The following CCZ1B variants were observed in gnomAD, a reference collection of about 807,000 sequenced individuals.
CCZ1B encodes vacuolar fusion protein CCZ1 homolog B.
CCZ1B carries 25 observed loss-of-function variants against 58.8 expected under a neutral mutation model. The ratio of observed to expected loss-of-function variants is 0.43; its 90% CI spans 0.31 to 0.59. The LOEUF is 0.59. CCZ1B is among the 20% of genes least tolerant of loss of function. The pLI, the probability that CCZ1B is intolerant of heterozygous loss-of-function variation, is 0.12. For missense variants in CCZ1B, 180 were observed against 501.5 expected (o/e 0.36, Z 6.12); for synonymous variants, 66 against 173.2 (o/e 0.38, Z 4.86).
At chr7:6,820,083 T>C in intron 6 of CCZ1B, 142 bp from the exon 7 acceptor site, 1 of 1,225,174 alleles carries the variant, frequency 8.2e-7, no homozygotes, top group Non-Finnish European at 1.2e-6. Flanking sequence ...GAGGCCGTGG[T>C]GAAGACATGG....
intron 7 of CCZ1B, among the ~76,000 whole-genome samples, chr7:6,818,634 C>CAGAAAGAAAGACAGACAGAAAGA (rs1783051772): frequency 9.2e-6 from 1 of 109,120 alleles, no homozygotes; most frequent in Non-Finnish European, 1.9e-5. Flanking sequence ...GAAAGAAAGA[C>CAGAAAGAAAGACAGACAGAAAGA]AAGAAAGAAA....
intron 4 of CCZ1B, among the ~76,000 whole-genome samples, chr7:6,823,568 G>C (rs960926157): frequency 7.9e-5 from 11 of 139,576 alleles, no homozygotes; most frequent in Non-Finnish European, 1.5e-4. Context: ...GTCCAGGCTG[G>C]AGCGCAGTGG....
chr7:6,818,247 C>G (rs1387623415), intron 7 of CCZ1B, among the ~76,000 whole-genome samples: 1 of 149,776 alleles, frequency 6.7e-6, no homozygotes, highest in Non-Finnish European at 1.5e-5. Context: ...GGCCACACCC[C>G]TAATTAAGAA....
Position 6,803,760 on chromosome 7 carries a change from G to A in CCZ1B, c.1106+1178C>T, listed in dbSNP as rs978873995. The stretch of plus-strand genomic sequence containing the variant: ...GCGTGGATCACGAGGTCAGGAGTTC[G>A]AGACCAGTCTGACCAACATGGTAAA... On this transcript the variant is annotated intron_variant, in intron 12 of 14. Coordinates refer to ENST00000316731, the MANE Select transcript of CCZ1B (RefSeq NM_198097.5). Among the ~76,000 whole-genome samples, 15 of 150,558 alleles carry A rather than the reference G, an allele frequency of 1.0e-4. 1 individual carries two copies. Among genetic ancestry groups the A allele is most frequent in the Non-Finnish European group, 1.3e-4 (9 of 67,632 alleles).
chr7:6,821,084 C>CT (rs978268604), intron 6 of CCZ1B, among the ~76,000 whole-genome samples: 1 of 147,100 alleles, frequency 6.8e-6, no homozygotes, highest in Non-Finnish European at 1.5e-5. Flanking sequence ...TCTCGGCTCA[C>CT]TGCAACCTCT....
At chr7:6,810,014 T>C (rs1278994882) in intron 10 of CCZ1B, among the ~76,000 whole-genome samples, 1 of 150,618 alleles carries the variant, frequency 6.6e-6, no homozygotes, top group Non-Finnish European at 1.5e-5. Context: ...TTGAACGTGT[T>C]TTTTTTTTTC....
chr7:6,820,399 C>A lies in CCZ1B; in HGVS notation c.523-458G>T, dbSNP rs531035491. Among the ~76,000 whole-genome samples the A allele has an allele frequency of 2.5e-4, 38 of 149,220 alleles. 2 individuals are homozygous for A. The South Asian group carries it at 8.1e-3, about 32-fold the overall frequency. On this transcript the variant is annotated intron_variant, in intron 6 of 14. Coordinates refer to ENST00000316731, the MANE Select transcript of CCZ1B (RefSeq NM_198097.5). ...TTCACCATGTTAGCCAGGATGGTCT[C>A]AATCTCCTGACTCGTGATCTGCCTG...
rs764912922 is a variant in CCZ1B, at chr7:6,823,298, GA to G, written c.438+14del. 1 of 1,605,252 alleles carries G rather than the reference GA, an allele frequency of 6.2e-7. No homozygotes were observed. The highest frequency in any genetic ancestry group is 8.5e-7 in the Non-Finnish European group (1 of 1,176,296). On this transcript the variant is annotated intron_variant, in intron 5 of 14. Coordinates refer to ENST00000316731, the MANE Select transcript of CCZ1B (RefSeq NM_198097.5). Reference sequence around the variant, plus strand: ...AGTGGTTGGACTCTGAGTTGAGAAAGAACGCCACGCTTACCTTGTACATGCT... The same window carrying G: ...AGTGGTTGGACTCTGAGTTGAGAAAGACGCCACGCTTACCTTGTACATGCT...
At chr7:6,820,831 C>T (rs1187897867) in intron 6 of CCZ1B, among the ~76,000 whole-genome samples, 1 of 146,008 alleles carries the variant, frequency 6.8e-6, no homozygotes, top group Non-Finnish European at 1.5e-5. Context: ...AGGAGAATCA[C>T]TTGAACTTGG....
At chr7:6,811,086 G>T (rs1467581782) in intron 10 of CCZ1B, among the ~76,000 whole-genome samples, 2 of 151,496 alleles carry the variant, frequency 1.3e-5, no homozygotes, top group African/African-American at 2.4e-5. Context: ...CCGTGGGCCT[G>T]TCTGTGCAAG....
intron 5 of CCZ1B, 163 bp from the exon 6 acceptor site, chr7:6,822,527 A>G: frequency 7.8e-7 from 1 of 1,287,080 alleles, no homozygotes; most frequent in Non-Finnish European, 1.0e-6. Context: ...TTAAAAATGT[A>G]AGTTACAAAA....
chr7:6,803,720 T>C (rs1373003923), intron 12 of CCZ1B, among the ~76,000 whole-genome samples: 1 of 148,120 alleles, frequency 6.8e-6, no homozygotes, highest in Non-Finnish European at 1.5e-5. Flanking sequence ...TCCCAGCACT[T>C]TGGGAGGCCG....
rs1345027270 is a variant in CCZ1B at position 6,824,481 on chromosome 7, G to C, written c.286C>G (p.Pro96Ala). The C allele has an allele frequency of 1.2e-6, 2 of 1,606,660 alleles. No homozygotes were observed. Among genetic ancestry groups the C allele is most frequent in the Non-Finnish European group, 1.7e-6 (2 of 1,178,266 alleles). ...ATGACCATCCAGAAATTTTCTTCTG[G>C]TTCATTGAAGAACTGTCTGTTCTTC... ...TQKNRQFFNE[P>A]EENFWMVMVV... is the part of the protein sequence containing the mutation. Residue 96 changes from proline (P) to alanine (A), a missense_variant, in exon 3 of 15, where the codon CCA (proline) becomes GCA (alanine). Pro to Ala is a conservative substitution (Grantham distance 27). Coordinates refer to ENST00000316731, the MANE Select transcript of CCZ1B (RefSeq NM_198097.5).
At chr7:6,815,623 C>T (rs998613433) in intron 7 of CCZ1B, among the ~76,000 whole-genome samples, 1 of 148,916 alleles carries the variant, frequency 6.7e-6, no homozygotes. Flanking sequence ...TTTTCTTTAA[C>T]ATTATATCAA....
In CCZ1B at chr7:6,818,711, A is replaced by AAAG. The variant is rs1562431518; in HGVS notation, c.698+1054_698+1055insCTT. Among the ~76,000 whole-genome samples, 286 of 103,310 alleles carry AAAG rather than the reference A, an allele frequency of 2.8e-3. 19 individuals carry two copies. The highest frequency in any genetic ancestry group is 9.7e-3 in the African/African-American group (271 of 27,924). 67.8% of individuals were successfully genotyped at this position (103,310 alleles called of 152,430 possible). The stretch of plus-strand genomic sequence containing the variant: ...AAAGAAAGACAAGAAAGAAAGAAAG[A>AAAG]CAAGAAAGAAAGAAAGAAAGAAAGA... On this transcript the variant is annotated intron_variant, in intron 7 of 14. Transcript: ENST00000316731.
intron 7 of CCZ1B, among the ~76,000 whole-genome samples, chr7:6,818,622 AAG>A (rs1469137190): frequency 7.0e-5 from 6 of 85,156 alleles, no homozygotes; most frequent in African/African-American, 2.5e-4. Flanking sequence ...AAAGACAAGA[AAG>A]AAAGAAAGAC....
rs1782946739 is a variant in CCZ1B, at chr7:6,813,313, A to C, written c.781-276T>G. On this transcript the variant is annotated intron_variant, in intron 8 of 14. Coordinates refer to ENST00000316731, the MANE Select transcript of CCZ1B (RefSeq NM_198097.5). ...TAGTTTTTAAATTTTTGGCCAGGTG[A>C]GGTGGCTCACGCCTATAATCCCAGC... is the stretch of plus-strand genomic sequence containing the variant. Among the ~76,000 whole-genome samples, 2 of 149,070 alleles carry C rather than the reference A, an allele frequency of 1.3e-5. 1 individual carries two copies. The highest frequency in any genetic ancestry group is 5.1e-5 in the African/African-American group (2 of 39,410).
rs780444487 is a variant in CCZ1B at position 6,823,307 on chromosome 7, G to A, written c.438+6C>T. 3 of 1,606,090 alleles carry A rather than the reference G, an allele frequency of 1.9e-6. No individual in the cohort carries two copies. The highest frequency in any genetic ancestry group is 1.7e-6 in the Non-Finnish European group (2 of 1,176,768). ...ACTCTGAGTTGAGAAAGAACGCCAC[G>A]CTTACCTTGTACATGCTGTAGCACT... is the stretch of plus-strand genomic sequence containing the variant. On this transcript the variant is annotated splice_donor_region_variant and intron_variant, in intron 5 of 14. Coordinates refer to ENST00000316731, the MANE Select transcript of CCZ1B (RefSeq NM_198097.5).
chr7:6,809,345 C>T (rs1308557930), intron 10 of CCZ1B, among the ~76,000 whole-genome samples: 1 of 123,526 alleles, frequency 8.1e-6, no homozygotes, highest in Non-Finnish European at 1.6e-5. Flanking sequence ...TTGTATGGTA[C>T]GTGCATTGTA....
Sources: allele counts gnomAD v4.1 joint callset (sites outside exome capture counted in the v4.1 genomes callset), GRCh38; gene constraint gnomAD v4.1.1; transcripts MANE v1.5; gene names NCBI Gene and HGNC (gene_info 2026-07-23, HGNC 2026-07-21).